Variants in LNX1 observed in about 807,000 individuals in gnomAD.
The protein encoded by LNX1 is E3 ubiquitin-protein ligase LNX.
A neutral mutation model predicts 68.4 loss-of-function variants in LNX1; 54 were observed. That is an observed-to-expected ratio of 0.79 (90% CI 0.63 to 0.99). The LOEUF is 0.99. Ranked by LOEUF, LNX1 falls within the 50% of genes least tolerant of loss-of-function variation. The probability of loss-of-function intolerance (pLI) is 0.00; values close to 1 mark genes in which losing one functional copy is unlikely to be tolerated. For synonymous variants in LNX1, 336 were observed against 350.0 expected, an observed-to-expected ratio of 0.96 and a Z score of 0.45; for missense variants, 906 against 926.4, an observed-to-expected ratio of 0.98 and a Z score of 0.29.
upstream of LNX1, among the ~76,000 whole-genome samples, chr4:53,619,442 A>G (rs900850659): frequency 6.6e-6 from 1 of 152,184 alleles, no homozygotes; most frequent in Non-Finnish European, 1.5e-5. Context: ...AAATGGAATC[A>G]TGCAATATGT....
chr4:53,492,696 G>A (rs925888537), intron 6 of LNX1, among the ~76,000 whole-genome samples: 11 of 152,146 alleles, frequency 7.2e-5, no homozygotes, highest in African/African-American at 2.2e-4. Flanking sequence ...GGAGCAAGAC[G>A]CTGAGGTGAG....
At chr4:53,591,612 TGAAA>T (rs1214376774), upstream of LNX1, 8 of 984,636 alleles carry the variant, frequency 8.1e-6, no homozygotes, top group Non-Finnish European at 8.4e-6. Context: ...CCTTAGGGAT[TGAAA>T]GAGTCAGGAG....
chr4:53,552,358 T>A (rs1577702151), intron 2 of LNX1, among the ~76,000 whole-genome samples: 1 of 151,956 alleles, frequency 6.6e-6, no homozygotes, highest in Non-Finnish European at 1.5e-5. Context: ...GGCACAAACG[T>A]GAGAATAATT....
chr4:53,481,115 A>C lies in LNX1; in HGVS notation c.1485+605T>G, dbSNP rs903682980. On this transcript the variant is annotated intron_variant, in intron 7 of 10. Transcript: ENST00000263925. Reference sequence around the variant, plus strand: ...AAATTGGGCTGAGTCACTTCATTTAAAGTGAGGCTGCAAACTGGTGGCCTG... The same window carrying C: ...AAATTGGGCTGAGTCACTTCATTTACAGTGAGGCTGCAAACTGGTGGCCTG... Among the ~76,000 whole-genome samples the C allele has an allele frequency of 2.6e-5, 4 of 152,186 alleles. 1 individual carries two copies. Among genetic ancestry groups the C allele is most frequent in the Admixed American group, 2.6e-4 (4 of 15,280 alleles).
At chr4:53,597,313 G>A (rs1180203892) in intron 2 of LNX1, among the ~76,000 whole-genome samples, 2 of 152,068 alleles carry the variant, frequency 1.3e-5, no homozygotes, top group Non-Finnish European at 2.9e-5. Flanking sequence ...TGCCTTGCCT[G>A]GCCTGTGAGG....
intron 2 of LNX1, among the ~76,000 whole-genome samples, chr4:53,610,320 A>G (rs1456801509): frequency 1.3e-5 from 2 of 152,202 alleles, no homozygotes; most frequent in Admixed American, 1.3e-4. Context: ...AATTGGTTCC[A>G]AAAGTTGAAA....
rs1188118211 is a variant in LNX1, at chr4:53,555,325, C to A, written c.380+18298G>T. On this transcript the variant is annotated intron_variant, in intron 2 of 10. Coordinates refer to ENST00000263925, the MANE Select transcript of LNX1 (RefSeq NM_001126328.3). ...CTAACCTTTCCGCTGGTGCCACTTA[C>A]CATCCCTGAAATACTTCCTCTTTCT... is the stretch of plus-strand genomic sequence containing the variant. Among the ~76,000 whole-genome samples the A allele has an allele frequency of 3.3e-5, 5 of 152,258 alleles. No homozygotes were observed. In the East Asian group the frequency reaches 9.7e-4, roughly 29 times the overall value.
At chr4:53,517,065 C>T (rs1340630843) in intron 2 of LNX1, among the ~76,000 whole-genome samples, 3 of 152,136 alleles carry the variant, frequency 2.0e-5, no homozygotes, top group East Asian at 1.9e-4. Context: ...TTTTCTTGCT[C>T]GCCACTGAAT....
At chr4:53,490,186 C>T (rs1164297910) in intron 6 of LNX1, among the ~76,000 whole-genome samples, 1 of 152,118 alleles carries the variant, frequency 6.6e-6, no homozygotes, top group Non-Finnish European at 1.5e-5. Context: ...CCCCTATTAT[C>T]ATTGGCTCTA....
rs1238799137 is a variant in LNX1, at chr4:53,501,288, T to A, written c.776-2445A>T. ...GAAATAGATGATAATAATCTTTTTT[T>A]TTTTTTTTTTTGGGGGTGGGGGGAC... On this transcript the variant is annotated intron_variant, in intron 4 of 10. Transcript: ENST00000263925. 2.9e-3 allele frequency among the ~76,000 whole-genome samples: 121 copies of A among 41,316 alleles called. 1 individual carries two copies. Among genetic ancestry groups the A allele is most frequent in the African/African-American group, 5.8e-3 (78 of 13,362 alleles). The allele number at this position is 41,316 out of a possible 152,430, so 27.1% of individuals were successfully genotyped here.
In LNX1 at chr4:53,498,845, T is replaced by G; in HGVS notation, c.776-2A>C. ...TCAGGTGGTACAACCTTGGAAAGAC[T>G]GAAATGGACAAAGAGTGTTTATTTA... On this transcript the variant is annotated splice_acceptor_variant, in intron 4 of 10. Coordinates refer to ENST00000263925, the MANE Select transcript of LNX1 (RefSeq NM_001126328.3). LOFTEE classifies it high-confidence loss of function. 2 of 1,611,124 alleles carry G rather than the reference T, an allele frequency of 1.2e-6. No homozygotes were observed. Among genetic ancestry groups the G allele is most frequent in the Non-Finnish European group, 1.7e-6 (2 of 1,177,906 alleles).
At chr4:53,558,228 A>G (rs1730063397) in intron 2 of LNX1, 1 of 1,255,734 alleles carries the variant, frequency 8.0e-7, no homozygotes, top group South Asian at 1.8e-5. Context: ...AGAGCAGGCA[A>G]GCTGATGCCC....
At chr4:53,538,632 A>G (rs1728542644) in intron 2 of LNX1, among the ~76,000 whole-genome samples, 1 of 152,234 alleles carries the variant, frequency 6.6e-6, no homozygotes, top group African/African-American at 2.4e-5. Context: ...CATTTGGTTA[A>G]AAGCTCTTCC....
Position 53,491,446 on chromosome 4 carries a change from A to G in LNX1, c.1350+4577T>C, listed in dbSNP as rs77039857. ...ACTTGGTTCTTTTGAGATAAAAGGC[A>G]GGAATACATTCCAAGCTCTACCAGG... is the stretch of plus-strand genomic sequence containing the variant. On this transcript the variant is annotated intron_variant, in intron 6 of 10. Transcript: ENST00000263925. Among the ~76,000 whole-genome samples, 115 of 152,322 alleles carry G rather than the reference A, an allele frequency of 7.5e-4. No homozygotes were observed. In the East Asian group the frequency reaches 0.019, roughly 25 times the overall value.
At chr4:53,547,994 T>C (rs1729225308) in intron 2 of LNX1, among the ~76,000 whole-genome samples, 1 of 152,040 alleles carries the variant, frequency 6.6e-6, no homozygotes, top group African/African-American at 2.4e-5. Flanking sequence ...CATTTCAAGT[T>C]TCATAAACCT....
intron 4 of LNX1, among the ~76,000 whole-genome samples, chr4:53,503,765 C>T (rs1465817216): frequency 6.6e-6 from 1 of 152,192 alleles, no homozygotes; most frequent in Admixed American, 6.5e-5. Flanking sequence ...GTTTTGAAGC[C>T]AGGCATTGAC....
At chr4:53,508,381 A>G in intron 2 of LNX1, 154 bp from the exon 3 acceptor site, 2 of 898,014 alleles carry the variant, frequency 2.2e-6, no homozygotes, top group Non-Finnish European at 3.3e-6. Flanking sequence ...CCCTTTTCAC[A>G]CATCGGTACT....
chr4:53,571,997 T>C (rs1490571831), intron 2 of LNX1, among the ~76,000 whole-genome samples: 2 of 152,160 alleles, frequency 1.3e-5, no homozygotes, highest in Non-Finnish European at 2.9e-5. Flanking sequence ...TTGTGATTTG[T>C]TACAGCAGCA....
intron 1 of LNX1, among the ~76,000 whole-genome samples, chr4:53,635,210 G>A (rs530640751): frequency 5.8e-4 from 88 of 152,244 alleles, no homozygotes; most frequent in Non-Finnish European, 1.1e-3. Context: ...CATGGGGTGA[G>A]GATGGGCAGA....
Sources: allele counts gnomAD v4.1 joint callset (sites outside exome capture counted in the v4.1 genomes callset), GRCh38; gene constraint gnomAD v4.1.1; transcripts MANE v1.5; gene names NCBI Gene and HGNC (gene_info 2026-07-23, HGNC 2026-07-21).